ATP6V0A2: variants seen among roughly 807,000 people sequenced by gnomAD.
The protein encoded by ATP6V0A2 is ATPase H+ transporting V0 subunit a2.
A neutral mutation model predicts 104.4 loss-of-function variants in ATP6V0A2; 58 were observed. That is an observed-to-expected ratio of 0.56 (90% CI 0.45 to 0.69). The LOEUF (loss-of-function observed/expected upper bound fraction) is 0.69, where lower values mean the gene tolerates loss of function less well. ATP6V0A2 is among the 30% of genes least tolerant of loss of function. The pLI is 0.00. For synonymous variants in ATP6V0A2, 376 were observed against 397.9 expected, an observed-to-expected ratio of 0.95 and a Z score of 0.65; for missense variants, 938 against 1,062.9, an observed-to-expected ratio of 0.88 and a Z score of 1.63.
intron 5 of ATP6V0A2, 44 bp from the exon 6 acceptor site, chr12:123,727,739 T>C: frequency 6.2e-7 from 1 of 1,612,462 alleles, no homozygotes; most frequent in Non-Finnish European, 8.5e-7. Context: ...TTGATAACAT[T>C]TATTGCTTTC....
Position 123,750,998 on chromosome 12 carries a change from A to G in ATP6V0A2, c.1936-112A>G, listed in dbSNP as rs1230977021. 1.3e-5 allele frequency: 19 copies of G among 1,453,700 alleles called. No individual in the cohort carries two copies. In the Admixed American group the frequency reaches 3.0e-4, roughly 23 times the overall value. The allele number at this position is 1,453,700 out of a possible 1,614,324, so 90.1% of individuals were successfully genotyped here. Reference sequence around the variant, plus strand: ...AGTGTAGCTGGCTGGCATTTATTGAATGTTCCTCGCGTGGAGACATTGTTC... The same window carrying G: ...AGTGTAGCTGGCTGGCATTTATTGAGTGTTCCTCGCGTGGAGACATTGTTC... On this transcript the variant is annotated intron_variant, in intron 15 of 19. Coordinates refer to ENST00000330342, the MANE Select transcript of ATP6V0A2 (RefSeq NM_012463.4).
chr12:123,724,146 G>A (rs1482155424), intron 3 of ATP6V0A2: 1 of 152,116 alleles, frequency 6.6e-6, no homozygotes, highest in East Asian at 2.0e-4. Flanking sequence ...CTGGAGTGCA[G>A]TGACACGATC....
chr12:123,730,078 A>G (rs2135893730), intron 6 of ATP6V0A2, among the ~76,000 whole-genome samples: 3 of 93,760 alleles, frequency 3.2e-5, no homozygotes, highest in African/African-American at 4.4e-5. Flanking sequence ...TTTTTGAGAC[A>G]GCGTCTGGCT....
intron 6 of ATP6V0A2, among the ~76,000 whole-genome samples, chr12:123,729,576 CAG>C (rs1593895560): frequency 6.6e-6 from 1 of 151,998 alleles, no homozygotes. Context: ...CGGGGAGAGA[CAG>C]AGTCATAATC....
In ATP6V0A2 at chr12:123,744,517, T is replaced by A; in HGVS notation, c.1327-80T>A. 6.3e-7 allele frequency: 1 copy of A among 1,591,712 alleles called. No individual in the cohort carries two copies. On this transcript the variant is annotated intron_variant, in intron 11 of 19. Transcript: ENST00000330342. The surrounding 1 kb of genome is among the most constrained non-coding windows in gnomAD (Gnocchi z 5.4). ...AGGCTGTTTTCTGAGAAGTGAGTGG[T>A]GAGGGTCGTGCCCACACCGACAGCT... is the stretch of plus-strand genomic sequence containing the variant.
Position 123,761,271 on chromosome 12 carries a change from A to G in ATP6V0A2, c.*3239A>G, listed in dbSNP as rs1956819384. 6.6e-6 allele frequency: 1 copy of G among 152,226 alleles called. No individual in the cohort carries two copies. Among genetic ancestry groups the G allele is most frequent in the Non-Finnish European group, 1.5e-5 (1 of 68,048 alleles). 9.4% of individuals were successfully genotyped at this position (152,226 alleles called of 1,614,324 possible). A position where few individuals can be genotyped will look rare whatever the true frequency, so the allele number is the denominator to read the frequency against. The stretch of plus-strand genomic sequence containing the variant: ...TAGGTCAGCCTTACGATGTCCATGA[A>G]TTACATATTCAGACGTTTTAGAGCC... On this transcript the variant is annotated 3_prime_UTR_variant, in exon 20 of 20. Transcript: ENST00000330342.
At chr12:123,724,820 C>T (rs2135887654) in intron 4 of ATP6V0A2, 29 bp downstream of exon 4, 1 of 1,606,330 alleles carries the variant, frequency 6.2e-7, no homozygotes, top group Non-Finnish European at 8.5e-7. Flanking sequence ...GGAAATACAG[C>T]TGTTTTTATA....
At chr12:123,723,989 T>TG (rs955754598) in intron 3 of ATP6V0A2, 3 of 152,240 alleles carry the variant, frequency 2.0e-5, no homozygotes, top group South Asian at 2.1e-4. Flanking sequence ...GGGCCAGTCT[T>TG]GGGGGTCTCA....
chr12:123,738,771 A>G (rs1045716529), intron 9 of ATP6V0A2, among the ~76,000 whole-genome samples: 2 of 152,228 alleles, frequency 1.3e-5, no homozygotes, highest in Admixed American at 1.3e-4. Flanking sequence ...TCATGGAAAG[A>G]ACAGGTTTAC....
At chr12:123,748,264 GAC>G (rs1956681537) in intron 14 of ATP6V0A2, among the ~76,000 whole-genome samples, 1 of 152,130 alleles carries the variant, frequency 6.6e-6, no homozygotes, top group Non-Finnish European at 1.5e-5. Flanking sequence ...AACAATGTAA[GAC>G]ACAGCATTTT....
chr12:123,735,161 G>GTGTGTGTGTGTC, intron 7 of ATP6V0A2, among the ~76,000 whole-genome samples: 1 of 145,662 alleles, frequency 6.9e-6, no homozygotes, highest in South Asian at 2.2e-4. Flanking sequence ...GTGTGTGTGT[G>GTGTGTGTGTGTC]TGTGTCTGTG....
intron 4 of ATP6V0A2, among the ~76,000 whole-genome samples, chr12:123,725,977 C>A (rs1429417489): frequency 6.6e-6 from 1 of 152,016 alleles, no homozygotes; most frequent in Non-Finnish European, 1.5e-5. Context: ...TTATAACTGT[C>A]TTTTATGTAA....
At chr12:123,718,853 T>C in intron 2 of ATP6V0A2, 152 bp downstream of exon 2, 1 of 583,410 alleles carries the variant, frequency 1.7e-6, no homozygotes, top group Non-Finnish European at 2.9e-6. Flanking sequence ...TGTAGGCATG[T>C]ATTATTTTTC....
rs545277023 is a variant in ATP6V0A2 at position 123,719,818 on chromosome 12, G to C, written c.196+1117G>C. ...ATTATAAACCATCCGGACCACACAG[G>C]GGGAGGTTGTGGGAAGCCTAAACAA... On this transcript the variant is annotated intron_variant, in intron 2 of 19. Coordinates refer to ENST00000330342, the MANE Select transcript of ATP6V0A2 (RefSeq NM_012463.4). Among the ~76,000 whole-genome samples, 196 of 152,174 alleles carry C rather than the reference G, an allele frequency of 1.3e-3. 2 individuals are homozygous for C. Among genetic ancestry groups the C allele is most frequent in the Admixed American group, 9.0e-3 (137 of 15,266 alleles).
At chr12:123,745,747 G>A (rs565336577) in intron 13 of ATP6V0A2, among the ~76,000 whole-genome samples, 6 of 151,978 alleles carry the variant, frequency 3.9e-5, no homozygotes, top group Non-Finnish European at 7.4e-5. Flanking sequence ...TAGCCCCAGG[G>A]TGCCAGGACC....
chr12:123,733,876 A>G, intron 6 of ATP6V0A2, 50 bp from the exon 7 acceptor site: 1 of 1,390,264 alleles, frequency 7.2e-7, no homozygotes, highest in Non-Finnish European at 1.0e-6. Context: ...CCGAAGTTCT[A>G]GAAGTTTATA....
At position 123,744,026 on chromosome 12, in the gene ATP6V0A2, T is replaced by C. The variant is rs1041714897; in HGVS notation, c.1189+91T>C. On this transcript the variant is annotated intron_variant, in intron 10 of 19. Transcript: ENST00000330342. The surrounding 1 kb of genome is among the most constrained non-coding windows in gnomAD (Gnocchi z 5.4). ...GGAATAGATATTTGGAAAGAGAGGC[T>C]GACCATTACTTTTTTGCTATCTTAT... 19 of 1,570,260 alleles carry C rather than the reference T, an allele frequency of 1.2e-5. No individual in the cohort carries two copies. The Admixed American group carries it at 2.7e-4, about 22-fold the overall frequency.
chr12:123,728,026 CT>C, intron 6 of ATP6V0A2, 117 bp downstream of exon 6: 1 of 1,341,842 alleles, frequency 7.5e-7, no homozygotes, highest in Non-Finnish European at 1.0e-6. Flanking sequence ...AACCTGATGC[CT>C]TATCTCTTCA....
chr12:123,735,298 G>A (rs963756214), intron 7 of ATP6V0A2, among the ~76,000 whole-genome samples: 1 of 152,090 alleles, frequency 6.6e-6, no homozygotes, highest in Non-Finnish European at 1.5e-5. Flanking sequence ...GAATCATTGA[G>A]GGCAGGAGTG....
Sources: gnomAD v4.1 joint callset for allele counts (sites outside exome capture counted in the v4.1 genomes callset) on GRCh38, gnomAD v4.1.1 for gene constraint, Gnocchi (gnomAD v3.1) non-coding constraint, MANE v1.5 for transcripts, NCBI Gene and HGNC (gene_info 2026-07-23, HGNC 2026-07-21) for gene names.